The following COPG2 variants were observed in gnomAD, a reference collection of about 807,000 sequenced individuals.
The protein encoded by COPG2 is coatomer subunit gamma-2.
In COPG2, 37 loss-of-function variants were observed where a neutral mutation model predicts 46.3. The observed-to-expected ratio is 0.80, with a 90% CI of 0.61 to 1.05. The LOEUF is 1.05. Among genes scored for constraint, COPG2 ranks in the 50% least tolerant of loss-of-function variants. The pLI is 0.00. For synonymous variants in COPG2, 159 were observed against 129.7 expected (o/e 1.23, Z -1.53); for missense variants, 427 against 387.8 (o/e 1.10, Z -0.85).
chr7:130,530,096 G>C (rs1388178258), intron 20 of COPG2, among the ~76,000 whole-genome samples: 1 of 152,124 alleles, frequency 6.6e-6, no homozygotes, highest in African/African-American at 2.4e-5. Flanking sequence ...GCAAGGTAGA[G>C]AGCAAGAGAG....
At chr7:130,598,298 G>A (rs536278635) in intron 9 of COPG2, among the ~76,000 whole-genome samples, 152 of 152,176 alleles carry the variant, frequency 1.0e-3, no homozygotes, top group African/African-American at 3.2e-3. Context: ...GCAATGCCTC[G>A]GCATGAGAAT....
chr7:130,632,895 GC>G (rs1194677478), intron 5 of COPG2, among the ~76,000 whole-genome samples: 2 of 151,772 alleles, frequency 1.3e-5, no homozygotes, highest in African/African-American at 2.4e-5. Flanking sequence ...CCCTCCTCTA[GC>G]CCCCCACCCC....
At chr7:130,578,457 G>A (rs1249598235) in intron 9 of COPG2, among the ~76,000 whole-genome samples, 1 of 151,854 alleles carries the variant, frequency 6.6e-6, no homozygotes, top group Non-Finnish European at 1.5e-5. Context: ...TCCTCCAAAG[G>A]AATGCAGTTC....
chr7:130,605,435 T>C (rs1358016932), intron 9 of COPG2, among the ~76,000 whole-genome samples: 2 of 152,210 alleles, frequency 1.3e-5, no homozygotes, highest in African/African-American at 4.8e-5. Context: ...TCTAATCACA[T>C]GAGCACTTTA....
In COPG2 at chr7:130,663,053, A is replaced by C. The variant is rs1326833787; in HGVS notation, c.172-15T>G. 2 of 1,475,016 alleles carry C rather than the reference A, an allele frequency of 1.4e-6. No individual in the cohort carries two copies. The highest frequency in any genetic ancestry group is 1.8e-6 in the Non-Finnish European group (2 of 1,104,648). The allele number at this position is 1,475,016 out of a possible 1,614,324, so 91.4% of individuals were successfully genotyped here. On this transcript the variant is annotated splice_polypyrimidine_tract_variant and intron_variant, in intron 3 of 23. Transcript: ENST00000425248. ...AAGTGTTCACCCTAAGTAAAATTTA[A>C]AACAATTTTTAAATTTTAAAAAGTG... is the stretch of plus-strand genomic sequence containing the variant.
intron 9 of COPG2, among the ~76,000 whole-genome samples, chr7:130,605,947 C>A (rs1794720478): frequency 6.6e-6 from 1 of 152,136 alleles, no homozygotes. Flanking sequence ...GCGACAAATA[C>A]CTCAAATTGT....
intron 9 of COPG2, chr7:130,602,939 T>C (rs555017669): frequency 5.8e-4 from 89 of 152,262 alleles, no homozygotes; most frequent in African/African-American, 2.0e-3. Context: ...CACCATTATT[T>C]CTCATGTTGT....
intron 20 of COPG2, among the ~76,000 whole-genome samples, chr7:130,521,129 A>C (rs1799719878): frequency 6.6e-6 from 1 of 152,244 alleles, no homozygotes; most frequent in South Asian, 2.1e-4. Flanking sequence ...TCAAGCACAC[A>C]GGATAATGAA....
intron 9 of COPG2, among the ~76,000 whole-genome samples, chr7:130,568,416 A>AT (rs1793840537): frequency 1.3e-5 from 2 of 152,358 alleles, no homozygotes; most frequent in African/African-American, 4.8e-5. Context: ...AGTAGCTATT[A>AT]TATCAGACAA....
At chr7:130,665,844 A>G (rs537619961) in intron 3 of COPG2, among the ~76,000 whole-genome samples, 115 of 152,014 alleles carry the variant, frequency 7.6e-4, no homozygotes, top group Middle Eastern at 3.4e-3. Context: ...GCAAAAAAAA[A>G]AAAAAGAAAA....
chr7:130,610,841 A>T, intron 9 of COPG2, 112 bp downstream of exon 9: 1 of 1,005,646 alleles, frequency 9.9e-7, no homozygotes, highest in Non-Finnish European at 1.6e-6. Context: ...AAAACATTGA[A>T]CTCATCTGTA....
intron 20 of COPG2, among the ~76,000 whole-genome samples, chr7:130,524,368 C>G (rs954406867): frequency 1.3e-5 from 2 of 152,122 alleles, no homozygotes; most frequent in Admixed American, 1.3e-4. Flanking sequence ...GCAGGTGGGA[C>G]AGTACCGTGC....
rs1394582422 is a variant in COPG2 at position 130,513,309 on chromosome 7, AT to A, written c.2150-4651del. 8.7e-3 allele frequency among the ~76,000 whole-genome samples: 426 copies of A among 48,736 alleles called. 5 individuals are homozygous for A. The highest frequency in any genetic ancestry group is 0.038 in the Middle Eastern group (2 of 52). The allele number at this position is 48,736 out of a possible 152,430, so 32.0% of individuals were successfully genotyped here. A position where few individuals can be genotyped will look rare whatever the true frequency, so the allele number is the denominator to read the frequency against. The stretch of plus-strand genomic sequence containing the variant: ...TCTGTCTAAAAAAAAAAAAAAAAAA[AT>A]ATATATATATATATATATATATATA... On this transcript the variant is annotated intron_variant, in intron 20 of 23. Transcript: ENST00000425248.
chr7:130,664,668 G>A (rs1563075049), intron 3 of COPG2, among the ~76,000 whole-genome samples: 1 of 152,164 alleles, frequency 6.6e-6, no homozygotes, highest in Non-Finnish European at 1.5e-5. Context: ...GTTTCAACAT[G>A]AGTTGCCTCA....
chr7:130,598,622 A>C (rs1236757932), intron 9 of COPG2, among the ~76,000 whole-genome samples: 4 of 152,226 alleles, frequency 2.6e-5, no homozygotes, highest in African/African-American at 4.8e-5. Context: ...GGATCCCAGG[A>C]TTTCAGCTCA....
At chr7:130,520,610 T>C (rs1252162285) in intron 20 of COPG2, among the ~76,000 whole-genome samples, 2 of 152,210 alleles carry the variant, frequency 1.3e-5, no homozygotes, top group Admixed American at 6.5e-5. Context: ...CTACTTGAGA[T>C]AGCATATTTT....
intron 14 of COPG2, 80 bp from the exon 15 acceptor site, chr7:130,552,510 A>G: frequency 2.5e-6 from 1 of 397,216 alleles, no homozygotes. Flanking sequence ...AAAAATTAGA[A>G]AAGTGTCCCC....
At chr7:130,540,727 T>C (rs909932069) in intron 20 of COPG2, among the ~76,000 whole-genome samples, 1 of 151,930 alleles carries the variant, frequency 6.6e-6, no homozygotes, top group Admixed American at 6.5e-5. Flanking sequence ...AGCACTAGAA[T>C]GGTCTAGGTG....
rs562327240 is a variant in COPG2 at position 130,571,701 on chromosome 7, C to T, written c.738-7308G>A. Among the ~76,000 whole-genome samples, 4 of 152,184 alleles carry T rather than the reference C, an allele frequency of 2.6e-5. No individual in the cohort carries two copies. In the East Asian group the frequency reaches 7.7e-4, roughly 29 times the overall value. On this transcript the variant is annotated intron_variant, in intron 9 of 23. Coordinates refer to ENST00000425248, the MANE Select transcript of COPG2 (RefSeq NM_012133.6). ...CAGCAAACCCACTACTGGGTATCTA[C>T]CCAGAGGAAAAGAAGTCATTATATG... is the stretch of plus-strand genomic sequence containing the variant.
Sources: allele counts gnomAD v4.1 joint callset (sites outside exome capture counted in the v4.1 genomes callset), GRCh38; gene constraint gnomAD v4.1.1; transcripts MANE v1.5; gene names NCBI Gene and HGNC (gene_info 2026-07-23, HGNC 2026-07-21).